The following PCDHGB4 variants were observed in gnomAD, a reference collection of about 807,000 sequenced individuals.
PCDHGB4 encodes protocadherin gamma subfamily B, 4, also known as protocadherin gamma-B4.
In PCDHGB4, 38 loss-of-function variants were observed where a neutral mutation model predicts 60.5. The ratio of observed to expected loss-of-function variants is 0.63; its 90% CI spans 0.48 to 0.82. PCDHGB4 has a LOEUF of 0.82. PCDHGB4 is among the 40% of genes least tolerant of loss of function. The pLI, the probability that PCDHGB4 is intolerant of heterozygous loss-of-function variation, is 0.00. For synonymous variants in PCDHGB4, 456 were observed against 509.7 expected (o/e 0.89, Z 1.42); for missense variants, 1,109 against 1,209.6 (o/e 0.92, Z 1.23).
In PCDHGB4 at chr5:141,511,261, G is replaced by A; in HGVS notation, c.*88G>A. On this transcript the variant is annotated 3_prime_UTR_variant, in exon 4 of 4. Transcript: ENST00000519479. The stretch of plus-strand genomic sequence containing the variant: ...CTGCACCCAGGCCTCAGAGTTTCAG[G>A]GCTAACCCCCAGAATACTGGTAGGG... 2 of 1,557,474 alleles carry A rather than the reference G, an allele frequency of 1.3e-6. No homozygotes were observed. The highest frequency in any genetic ancestry group is 1.4e-5 in the African/African-American group (1 of 73,440).
At chr5:141,500,355 C>G (rs539892249) in intron 2 of PCDHGB4, among the ~76,000 whole-genome samples, 2 of 151,912 alleles carry the variant, frequency 1.3e-5, no homozygotes, top group Non-Finnish European at 2.9e-5. Flanking sequence ...ACTACAGGCG[C>G]CCACTACCAC....
intron 1 of PCDHGB4, chr5:141,427,595 C>A: frequency 1.5e-6 from 1 of 681,870 alleles, no homozygotes; most frequent in Non-Finnish European, 2.7e-6. Flanking sequence ...CAAGCCTCAC[C>A]CTACGCATTG....
rs755004350 is a variant in PCDHGB4, at chr5:141,388,516, C to T, written c.632C>T (p.Thr211Ile). Residue 211 changes from threonine (T) to isoleucine (I), a missense_variant, in exon 1 of 4, where the codon ACT becomes ATT. By Grantham distance (89) the Thr-to-Ile change is moderately conservative. Transcript: ENST00000519479. ...DREKQKSYHL[T>I]LTALDFGAPP... ...GAAAAGCAGAAATCCTACCACTTGA[C>T]TTTGACTGCCTTGGACTTTGGAGCT... 4.3e-6 allele frequency: 7 copies of T among 1,613,864 alleles called. No homozygotes were observed. Among genetic ancestry groups the T allele is most frequent in the South Asian group, 3.3e-5 (3 of 91,084 alleles).
Position 141,431,054 on chromosome 5 carries a change from G to T in PCDHGB4, c.2397+40773G>T. 6.2e-7 allele frequency: 1 copy of T among 1,614,198 alleles called. No individual in the cohort carries two copies. The highest frequency in any genetic ancestry group is 8.5e-7 in the Non-Finnish European group (1 of 1,180,004). ...AGACCGGGAGGAGCTCTGTATGGGG[G>T]CCATCAAGTGTCAATTAAATCTAGA... On this transcript the variant is annotated intron_variant, in intron 1 of 3. Transcript: ENST00000519479. This position sits in a 1 kb window ranked among gnomAD's most constrained non-coding sequence, Gnocchi z 4.8.
intron 1 of PCDHGB4, chr5:141,413,249 G>A (rs756270877): frequency 6.8e-6 from 11 of 1,613,832 alleles, no homozygotes; most frequent in Non-Finnish European, 9.3e-6. Flanking sequence ...CTTTTCTTCG[G>A]GATTCCATGG....
At chr5:141,405,489 G>A (rs1008095215) in intron 1 of PCDHGB4, 51 of 894,082 alleles carry the variant, frequency 5.7e-5, no homozygotes, top group Non-Finnish European at 7.7e-5. Context: ...GTGTGATCTC[G>A]GCTCATTGCA....
At chr5:141,427,304 C>G in intron 1 of PCDHGB4, 1 of 456,910 alleles carries the variant, frequency 2.2e-6, no homozygotes. Flanking sequence ...ATGAGAATGA[C>G]AATGCCCCAG....
Position 141,489,752 on chromosome 5 carries a change from C to G in PCDHGB4, c.2398-5055C>G. ...GGCACCAATACTGTGAGCTTTTACA[C>G]TCTAAGCCCCAACAGCCACTTCTCT... On this transcript the variant is annotated intron_variant, in intron 1 of 3. Coordinates refer to ENST00000519479, the MANE Select transcript of PCDHGB4 (RefSeq NM_003736.4). This position sits in a 1 kb window ranked among gnomAD's most constrained non-coding sequence, Gnocchi z 4.5. The G allele has an allele frequency of 6.2e-7, 1 of 1,614,136 alleles. No individual in the cohort carries two copies. The highest frequency in any genetic ancestry group is 8.5e-7 in the Non-Finnish European group (1 of 1,179,972).
intron 1 of PCDHGB4, among the ~76,000 whole-genome samples, chr5:141,479,077 A>G (rs1393042749): frequency 6.6e-6 from 1 of 152,224 alleles, no homozygotes; most frequent in Non-Finnish European, 1.5e-5. Context: ...ATGAAATGAA[A>G]TTCCAGGCAT....
At chr5:141,415,462 C>T in intron 1 of PCDHGB4, 1 of 1,614,220 alleles carries the variant, frequency 6.2e-7, no homozygotes. Context: ...CGAGGTCTCT[C>T]TCACCGCGGA....
chr5:141,490,984 T>TCTG lies in PCDHGB4; in HGVS notation c.2398-3820_2398-3818dup. On this transcript the variant is annotated intron_variant, in intron 1 of 3. Transcript: ENST00000519479. The surrounding 1 kb of genome is among the most constrained non-coding windows in gnomAD (Gnocchi z 5.4). ...CTCAGCCCCCCAGCGTCTCCCTCGCTCTGCTCCTCCTGGCTCCTTGGTCAC... is the reference window on the plus strand; with the variant it reads ...CTCAGCCCCCCAGCGTCTCCCTCGCTCTGCTGCTCCTCCTGGCTCCTTGGTCAC... The TCTG allele has an allele frequency of 1.2e-6, 2 of 1,614,110 alleles. No homozygotes were observed. Among genetic ancestry groups the TCTG allele is most frequent in the Non-Finnish European group, 1.7e-6 (2 of 1,180,028 alleles).
At chr5:141,420,521 C>A in intron 1 of PCDHGB4, 1 of 378,418 alleles carries the variant, frequency 2.6e-6, no homozygotes, top group Non-Finnish European at 4.4e-6. Context: ...AGTAAAATAC[C>A]TTTCGGTTAA....
rs761698912 is a variant in PCDHGB4, at chr5:141,388,833, T to G, written c.949T>G (p.Leu317Val). ...AGAAGTCAAAGAATATTCCATAGTT[T>G]TGGAAGCAAGGGACGGTGGAGGAAT... ...FEEVKEYSIV[L>V]EARDGGGMIA... Residue 317 changes from leucine (L) to valine (V), a missense_variant, in exon 1 of 4, where the codon TTG (leucine) becomes GTG (valine). Leu to Val is a conservative substitution (Grantham distance 32). Transcript: ENST00000519479. The G allele has an allele frequency of 6.2e-7, 1 of 1,613,838 alleles. No homozygotes were observed. Among genetic ancestry groups the G allele is most frequent in the Non-Finnish European group, 8.5e-7 (1 of 1,179,886 alleles).
chr5:141,455,852 T>C (rs2154565235), intron 1 of PCDHGB4, among the ~76,000 whole-genome samples: 1 of 148,622 alleles, frequency 6.7e-6, no homozygotes, highest in South Asian at 2.1e-4. Context: ...CATAAAATAA[T>C]TTCTTTTATT....
chr5:141,415,745 T>C, intron 1 of PCDHGB4: 1 of 517,922 alleles, frequency 1.9e-6, no homozygotes, highest in Non-Finnish European at 2.4e-6. Context: ...TTAAGGTTTT[T>C]TTTTTTTTTT....
chr5:141,400,453 C>G, intron 1 of PCDHGB4: 2 of 1,614,056 alleles, frequency 1.2e-6, no homozygotes, highest in South Asian at 2.2e-5. Flanking sequence ...ACAAGACATA[C>G]TTTGTGGTGA....
In PCDHGB4 at chr5:141,476,839, G is replaced by T; in HGVS notation, c.2398-17968G>T. The T allele has an allele frequency of 1.9e-6, 3 of 1,613,610 alleles. No individual in the cohort carries two copies. Among genetic ancestry groups the T allele is most frequent in the East Asian group, 2.2e-5 (1 of 44,862 alleles). ...AGGTGCTGGACGCGAATGACAATGC[G>T]CCTGTCTTCAACCAGTCCTTGTACC... On this transcript the variant is annotated intron_variant, in intron 1 of 3. Coordinates refer to ENST00000519479, the MANE Select transcript of PCDHGB4 (RefSeq NM_003736.4). This position sits in a 1 kb window ranked among gnomAD's most constrained non-coding sequence, Gnocchi z 7.6.
chr5:141,434,073 A>G (rs1372471160), intron 1 of PCDHGB4, among the ~76,000 whole-genome samples: 2 of 152,058 alleles, frequency 1.3e-5, no homozygotes, highest in African/African-American at 4.8e-5. Flanking sequence ...GTTAATATCA[A>G]TTATTTATTT....
At chr5:141,436,439 A>G (rs1481744238) in intron 1 of PCDHGB4, among the ~76,000 whole-genome samples, 5 of 152,208 alleles carry the variant, frequency 3.3e-5, no homozygotes, top group African/African-American at 1.2e-4. Flanking sequence ...TCTGGGGATT[A>G]CCTGATACCA....
Sources: gnomAD v4.1 joint callset for allele counts (sites outside exome capture counted in the v4.1 genomes callset) on GRCh38, gnomAD v4.1.1 for gene constraint, Gnocchi (gnomAD v3.1) non-coding constraint, MANE v1.5 for transcripts, NCBI Gene and HGNC (gene_info 2026-07-23, HGNC 2026-07-21) for gene names.